The following RNASET2 variants were observed in gnomAD, a reference collection of about 807,000 sequenced individuals.
RNASET2 encodes the protein ribonuclease T2.
A neutral mutation model predicts 33.9 loss-of-function variants in RNASET2; 28 were observed. The observed-to-expected ratio is 0.83, with a 90% CI of 0.61 to 1.13. The LOEUF is 1.13. Among genes scored for constraint, RNASET2 ranks in the 50% most tolerant of loss-of-function variants. The pLI, the probability that RNASET2 is intolerant of heterozygous loss-of-function variation, is 0.00. For missense variants in RNASET2, 330 were observed against 319.9 expected, an observed-to-expected ratio of 1.03 and a Z score of -0.24; for synonymous variants, 123 against 121.0, an observed-to-expected ratio of 1.02 and a Z score of -0.11.
At chr6:166,931,619 A>G in intron 7 of RNASET2, 1 of 179,470 alleles carries the variant, frequency 5.6e-6, no homozygotes, top group Non-Finnish European at 1.2e-5. Context: ...GCAAACCTAG[A>G]CCCCCCTGTG....
At position 166,936,264 on chromosome 6, in the gene RNASET2, C is replaced by T. The variant is rs1339818303; in HGVS notation, c.447-2128G>A. ...AATGAATGAATGAATGGAGGACGCA[C>T]CATTCCCATCTACAGCAATGGCAGG... On this transcript the variant is annotated intron_variant, in intron 6 of 8. Transcript: ENST00000508775. Among the ~76,000 whole-genome samples, 4 of 152,198 alleles carry T rather than the reference C, an allele frequency of 2.6e-5. No individual in the cohort carries two copies. In the East Asian group the frequency reaches 7.7e-4, roughly 29 times the overall value.
intron 6 of RNASET2, among the ~76,000 whole-genome samples, chr6:166,937,336 C>A (rs1410507365): frequency 2.6e-5 from 4 of 152,054 alleles, no homozygotes; most frequent in African/African-American, 9.7e-5. Context: ...GGGATTTCAC[C>A]ATGTTGGCCA....
rs1778351344 is a variant in RNASET2 at position 166,929,122 on chromosome 6, G to C, written c.*466C>G. Among the ~76,000 whole-genome samples, 1 of 152,248 alleles carries C rather than the reference G, an allele frequency of 6.6e-6. No homozygotes were observed. Among genetic ancestry groups the C allele is most frequent in the South Asian group, 2.1e-4 (1 of 4,832 alleles). On this transcript the variant is annotated 3_prime_UTR_variant, in exon 9 of 9. Coordinates refer to ENST00000508775, the MANE Select transcript of RNASET2 (RefSeq NM_003730.6). ...CGATGTCCTGGGGCTCTGGTCACAT[G>C]GAACAGACCCAGTCTGAGCTAGAGA...
chr6:166,942,058 C>CTTTTTTTTTTTTTTTTT (rs61635852), intron 5 of RNASET2, among the ~76,000 whole-genome samples: 3 of 127,216 alleles, frequency 2.4e-5, no homozygotes, highest in East Asian at 4.7e-4. Flanking sequence ...AAGACATCTT[C>CTTTTTTTTTTTTTTTTT]TTTTTTTTTT....
Position 166,926,221 on chromosome 6 carries a change from G to C in RNASET2, c.*3367C>G, listed in dbSNP as rs956407939. ...GATGGTGATGTCATTCACCGAGATG[G>C]AGGCAAAAGTTTCGGTGGAAAGATA... On this transcript the variant is annotated 3_prime_UTR_variant, in exon 9 of 9. Coordinates refer to ENST00000508775, the MANE Select transcript of RNASET2 (RefSeq NM_003730.6). Among the ~76,000 whole-genome samples, 17 of 151,964 alleles carry C rather than the reference G, an allele frequency of 1.1e-4. No homozygotes were observed. The highest frequency in any genetic ancestry group is 3.9e-4 in the African/African-American group (16 of 41,356).
chr6:166,936,730 T>G (rs1432521515), intron 6 of RNASET2, among the ~76,000 whole-genome samples: 2 of 152,206 alleles, frequency 1.3e-5, no homozygotes, highest in Non-Finnish European at 2.9e-5. Flanking sequence ...TCCACACTGG[T>G]GATCAAATTT....
At chr6:166,930,602 A>G (rs1778401907) in intron 8 of RNASET2, among the ~76,000 whole-genome samples, 1 of 151,422 alleles carries the variant, frequency 6.6e-6, no homozygotes, top group African/African-American at 2.4e-5. Flanking sequence ...ACATGCACAC[A>G]TGCATGTACA....
At chr6:166,934,312 C>T in intron 6 of RNASET2, 176 bp from the exon 7 acceptor site, 1 of 624,130 alleles carries the variant, frequency 1.6e-6, no homozygotes, top group South Asian at 1.8e-5. Context: ...TTCCCAGTCC[C>T]CGCCTTCCCC....
At chr6:166,945,855 A>G (rs1778827652) in intron 4 of RNASET2, among the ~76,000 whole-genome samples, 2 of 151,730 alleles carry the variant, frequency 1.3e-5, no homozygotes, top group African/African-American at 2.4e-5. Context: ...AAAGAAAAGA[A>G]AAGAAAAAAA....
chr6:166,941,340 T>G (rs1778686731), intron 5 of RNASET2, among the ~76,000 whole-genome samples: 1 of 152,208 alleles, frequency 6.6e-6, no homozygotes, highest in African/African-American at 2.4e-5. Context: ...TTTAAGCCAT[T>G]TAGCTAAAAT....
At position 166,927,617 on chromosome 6, in the gene RNASET2, T is replaced by G. The variant is rs1426359362; in HGVS notation, c.*1971A>C. Among the ~76,000 whole-genome samples the G allele has an allele frequency of 1.4e-5, 2 of 148,010 alleles. No individual in the cohort carries two copies. The highest frequency in any genetic ancestry group is 4.0e-4 in the East Asian group (2 of 5,054). ...TGACCCCCCAAGGCTATAAAATAAA[T>G]GCAATTTGAATAGGAAGTCTGTTCA... On this transcript the variant is annotated 3_prime_UTR_variant, in exon 9 of 9. Coordinates refer to ENST00000508775, the MANE Select transcript of RNASET2 (RefSeq NM_003730.6).
intron 7 of RNASET2, chr6:166,931,649 GA>G (rs1778444472): frequency 5.7e-6 from 1 of 175,294 alleles, no homozygotes; most frequent in South Asian, 1.3e-4. Flanking sequence ...CCTCTTGGAT[GA>G]GGGGCCTCCT....
At chr6:166,939,430 A>G (rs1311952184) in intron 5 of RNASET2, among the ~76,000 whole-genome samples, 1 of 152,266 alleles carries the variant, frequency 6.6e-6, no homozygotes, top group Non-Finnish European at 1.5e-5. Flanking sequence ...TTTCTTTTAC[A>G]AAGTAGGAAG....
chr6:166,943,320 T>A, intron 4 of RNASET2: 1 of 431,808 alleles, frequency 2.3e-6, no homozygotes, highest in Non-Finnish European at 4.3e-6. Context: ...CTGTTATAGG[T>A]GAAGGGATAA....
rs535333749 is a variant in RNASET2 at position 166,926,037 on chromosome 6, C to T, written c.*3551G>A. On this transcript the variant is annotated 3_prime_UTR_variant, in exon 9 of 9. Coordinates refer to ENST00000508775, the MANE Select transcript of RNASET2 (RefSeq NM_003730.6). Reference sequence around the variant, plus strand: ...GCGTCCAGCACTGACAGTCAGGTGGCGTGGCAGTCAATGCATGGCCCAGAT... The same window carrying T: ...GCGTCCAGCACTGACAGTCAGGTGGTGTGGCAGTCAATGCATGGCCCAGAT... 4.6e-5 allele frequency among the ~76,000 whole-genome samples: 7 copies of T among 152,218 alleles called. No individual in the cohort carries two copies. Among genetic ancestry groups the T allele is most frequent in the Admixed American group, 2.6e-4 (4 of 15,288 alleles).
In RNASET2 at chr6:166,946,061, A is replaced by G. The variant is rs538848178; in HGVS notation, c.261+621T>C. ...AGGAACTGTTGGCACCCCTAAGGAA[A>G]GATGAGGGCGTGTGTGTGAGTGAAG... On this transcript the variant is annotated intron_variant, in intron 4 of 8. Transcript: ENST00000508775. 3.3e-5 allele frequency among the ~76,000 whole-genome samples: 5 copies of G among 152,288 alleles called. No homozygotes were observed. In the South Asian group the frequency reaches 8.3e-4, roughly 25 times the overall value.
chr6:166,925,506 A>G lies in RNASET2; in HGVS notation c.*4082T>C, dbSNP rs1424591282. Among the ~76,000 whole-genome samples, 1 of 147,584 alleles carries G rather than the reference A, an allele frequency of 6.8e-6. No individual in the cohort carries two copies. Among genetic ancestry groups the G allele is most frequent in the South Asian group, 2.2e-4 (1 of 4,588 alleles). On this transcript the variant is annotated 3_prime_UTR_variant, in exon 9 of 9. Coordinates refer to ENST00000508775, the MANE Select transcript of RNASET2 (RefSeq NM_003730.6). ...CCCTCACCTCCCCTGTCCAGCCCTCACCTCCCCGGTCCAGCCCTTGCCTCC... is the reference window on the plus strand; with the variant it reads ...CCCTCACCTCCCCTGTCCAGCCCTCGCCTCCCCGGTCCAGCCCTTGCCTCC...
intron 4 of RNASET2, chr6:166,943,430 T>G: frequency 2.8e-6 from 1 of 353,772 alleles, no homozygotes; most frequent in South Asian, 2.2e-5. Flanking sequence ...CATTGCTAAG[T>G]GCAAGAAGCC....
chr6:166,950,937 A>G (rs1241508952), intron 2 of RNASET2, among the ~76,000 whole-genome samples: 2 of 152,222 alleles, frequency 1.3e-5, no homozygotes, highest in African/African-American at 2.4e-5. Flanking sequence ...GAGAGATTGT[A>G]GAAATAAAGA....
Sources: allele counts gnomAD v4.1 joint callset (sites outside exome capture counted in the v4.1 genomes callset), GRCh38; gene constraint gnomAD v4.1.1; transcripts MANE v1.5; gene names NCBI Gene and HGNC (gene_info 2026-07-23, HGNC 2026-07-21).